The following NEMP2 variants were observed in gnomAD, a reference collection of about 807,000 sequenced individuals.
The protein encoded by NEMP2 is nuclear envelope integral membrane protein 2, also known as UPF0571 transmembrane protein.
In NEMP2, 53 loss-of-function variants were observed where a neutral mutation model predicts 54.2. That is an observed-to-expected ratio of 0.98 (90% CI 0.78 to 1.23). The LOEUF is 1.23. NEMP2 is among the 50% of genes most tolerant of loss of function. NEMP2 has a pLI of 0.00. For synonymous variants in NEMP2, 197 were observed against 190.3 expected (o/e 1.04, Z -0.29); for missense variants, 455 against 511.3 (o/e 0.89, Z 1.06).
the NEMP2 span, chr2:190,497,449 G>A: frequency 6.2e-7 from 1 of 1,613,512 alleles, no homozygotes; most frequent in East Asian, 2.2e-5. This position sits in a 1 kb window ranked among gnomAD's most constrained non-coding sequence, Gnocchi z 5.2. Flanking sequence ...ACAAGACAAT[G>A]TTGGCAGAAA....
At chr2:190,644,521 A>T in the NEMP2 span, among the ~76,000 whole-genome samples, 4 of 152,250 alleles carry the variant, frequency 2.6e-5, no homozygotes, top group African/African-American at 4.8e-5. This position sits in a 1 kb window ranked among gnomAD's most constrained non-coding sequence, Gnocchi z 4.4. Flanking sequence ...GCACAAAAAA[A>T]ATTATTCTCT....
the NEMP2 span, among the ~76,000 whole-genome samples, chr2:190,614,271 C>A: frequency 4.6e-5 from 7 of 152,112 alleles, no homozygotes; most frequent in Non-Finnish European, 1.0e-4. The surrounding 1 kb of genome is among the most constrained non-coding windows in gnomAD (Gnocchi z 5.7). Context: ...CTTAAAAAAA[C>A]CTTTTTTTCC....
chr2:190,647,785 G>A, the NEMP2 span, among the ~76,000 whole-genome samples: 1 of 129,774 alleles, frequency 7.7e-6, no homozygotes, highest in African/African-American at 2.9e-5. Flanking sequence ...CACGATCTTG[G>A]CTCACTGCAA....
intron 4 of NEMP2, among the ~76,000 whole-genome samples, 173 bp downstream of exon 4, chr2:190,518,559 AAAAT>A (rs1690643399): frequency 6.6e-6 from 1 of 152,140 alleles, no homozygotes; most frequent in African/African-American, 2.4e-5. Context: ...TCACACGATA[AAAAT>A]AAATGTTACT....
rs569760070 is a variant in NEMP2, at chr2:190,531,276, C to A, written c.97+3283G>T. On this transcript the variant is annotated intron_variant, in intron 1 of 8. Coordinates refer to ENST00000409150, the MANE Select transcript of NEMP2 (RefSeq NM_001142645.2). This position sits in a 1 kb window ranked among gnomAD's most constrained non-coding sequence, Gnocchi z 4.7. ...TAACCTAGGTAATCACTTCCTCAAG[C>A]CTGAATCAGATCGGGAGAAAGATCT... Among the ~76,000 whole-genome samples the A allele has an allele frequency of 1.2e-4, 18 of 152,158 alleles. No individual in the cohort carries two copies. Among genetic ancestry groups the A allele is most frequent in the Non-Finnish European group, 1.0e-4 (7 of 68,034 alleles).
the NEMP2 span, among the ~76,000 whole-genome samples, chr2:190,642,558 A>C: frequency 6.6e-6 from 1 of 152,188 alleles, no homozygotes; most frequent in South Asian, 2.1e-4. The surrounding 1 kb of genome is among the most constrained non-coding windows in gnomAD (Gnocchi z 4.1). Flanking sequence ...CTATATATTT[A>C]AAAATACTCA....
rs1690851682 is a variant in NEMP2 at position 190,524,203 on chromosome 2, G to A, written c.213+1060C>T. Among the ~76,000 whole-genome samples, 3 of 152,010 alleles carry A rather than the reference G, an allele frequency of 2.0e-5. No homozygotes were observed. The South Asian group carries it at 6.2e-4, about 32-fold the overall frequency. ...ATGCACTTCAGCTTGGGCAACTGGA[G>A]TGAGTCCCAGTCTCAAAAAAAACAG... On this transcript the variant is annotated intron_variant, in intron 2 of 8. Transcript: ENST00000409150.
At chr2:190,464,782 C>A in the NEMP2 span, 1 of 318,064 alleles carries the variant, frequency 3.1e-6, no homozygotes, top group Non-Finnish European at 4.6e-6. Context: ...GGCTGTAAGT[C>A]CCTTGAAGAC....
chr2:190,549,375 A>G, the NEMP2 span, among the ~76,000 whole-genome samples: 1 of 152,202 alleles, frequency 6.6e-6, no homozygotes, highest in African/African-American at 2.4e-5. Context: ...TCTTTTTCAT[A>G]TATTAGTTGG....
At chr2:190,564,953 A>G in the NEMP2 span, among the ~76,000 whole-genome samples, 1 of 152,214 alleles carries the variant, frequency 6.6e-6, no homozygotes, top group Admixed American at 6.5e-5. This position sits in a 1 kb window ranked among gnomAD's most constrained non-coding sequence, Gnocchi z 4.2. Context: ...GGTGTACTGA[A>G]GATAAATAAG....
the NEMP2 span, among the ~76,000 whole-genome samples, chr2:190,427,202 T>G: frequency 2.2e-4 from 33 of 152,346 alleles, no homozygotes; most frequent in Admixed American, 1.7e-3. Flanking sequence ...CCATGTAATC[T>G]CCACTGATAC....
the NEMP2 span, among the ~76,000 whole-genome samples, chr2:190,569,406 A>AAAAT: frequency 6.6e-6 from 1 of 151,930 alleles, no homozygotes; most frequent in East Asian, 1.9e-4. Flanking sequence ...TTTTAAATAA[A>AAAAT]AAAAGGAAAG....
the NEMP2 span, among the ~76,000 whole-genome samples, chr2:190,544,798 T>A: frequency 2.6e-5 from 4 of 151,906 alleles, no homozygotes; most frequent in African/African-American, 9.7e-5. Flanking sequence ...ATTATTTTTT[T>A]AAAAAGTAGC....
the NEMP2 span, among the ~76,000 whole-genome samples, chr2:190,573,826 G>A: frequency 1.3e-5 from 2 of 152,100 alleles, no homozygotes; most frequent in African/African-American, 4.8e-5. Context: ...AGTAATTGTG[G>A]TTTTTGCCAT....
chr2:190,558,687 C>T, the NEMP2 span, among the ~76,000 whole-genome samples: 2 of 152,126 alleles, frequency 1.3e-5, no homozygotes, highest in Non-Finnish European at 2.9e-5. The surrounding 1 kb of genome is among the most constrained non-coding windows in gnomAD (Gnocchi z 4.4). Context: ...GCTGCAGACT[C>T]ATCATAGGAG....
chr2:190,523,005 G>A lies in NEMP2; in HGVS notation c.213+2258C>T, dbSNP rs1321973580. On this transcript the variant is annotated intron_variant, in intron 2 of 8. Transcript: ENST00000409150. The surrounding 1 kb of genome is among the most constrained non-coding windows in gnomAD (Gnocchi z 5.3). ...CCTTGGGCACATGTTCTCAGAATCT[G>A]AGGGATGTGTCACAGGCCATTGGTC... Among the ~76,000 whole-genome samples the A allele has an allele frequency of 6.6e-6, 1 of 152,176 alleles. No individual in the cohort carries two copies. Among genetic ancestry groups the A allele is most frequent in the African/African-American group, 2.4e-5 (1 of 41,444 alleles).
chr2:190,497,825 C>A, the NEMP2 span: 1 of 1,331,612 alleles, frequency 7.5e-7, no homozygotes, highest in East Asian at 2.3e-5. The surrounding 1 kb of genome is among the most constrained non-coding windows in gnomAD (Gnocchi z 5.2). Flanking sequence ...TATTGAAAGT[C>A]TGGTGGGGGA....
At chr2:190,539,132 T>C (rs1311947118), upstream of NEMP2, among the ~76,000 whole-genome samples, 1 of 152,210 alleles carries the variant, frequency 6.6e-6, no homozygotes, top group African/African-American at 2.4e-5. The surrounding 1 kb of genome is among the most constrained non-coding windows in gnomAD (Gnocchi z 4.1). Flanking sequence ...TTCTATATGG[T>C]AAGATATAGA....
the NEMP2 span, among the ~76,000 whole-genome samples, chr2:190,640,689 G>A: frequency 6.6e-6 from 1 of 150,672 alleles, no homozygotes; most frequent in African/African-American, 2.5e-5. Flanking sequence ...TATATGCATT[G>A]TCCTTTCAAA....
Sources: allele counts gnomAD v4.1 joint callset (sites outside exome capture counted in the v4.1 genomes callset), GRCh38; gene constraint gnomAD v4.1.1; non-coding constraint Gnocchi (gnomAD v3.1); transcripts MANE v1.5; gene names NCBI Gene and HGNC (gene_info 2026-07-23, HGNC 2026-07-21).